The following ZNF816 variants were observed in gnomAD, a reference collection of about 807,000 sequenced individuals.
ZNF816 encodes the protein zinc finger protein 816A.
ZNF816 carries 11 observed loss-of-function variants against 8.3 expected under a neutral mutation model. That is an observed-to-expected ratio of 1.32 (90% CI 0.83 to 2.19). The LOEUF (loss-of-function observed/expected upper bound fraction) is 2.19, where lower values mean the gene tolerates loss of function less well. Among genes scored for constraint, ZNF816 ranks in the 30% most tolerant of loss-of-function variants. The pLI, the probability that ZNF816 is intolerant of heterozygous loss-of-function variation, is 0.00. For missense variants in ZNF816, 710 were observed against 779.3 expected (o/e 0.91, Z 1.06); for synonymous variants, 255 against 254.5 (o/e 1.00, Z -0.02).
intron 3 of ZNF816, 188 bp downstream of exon 3, chr19:52,952,563 T>A: frequency 4.4e-6 from 5 of 1,141,406 alleles, no homozygotes; most frequent in Non-Finnish European, 6.1e-6. Flanking sequence ...TGTTTTTATG[T>A]AAAACCACTC....
intron 1 of ZNF816, among the ~76,000 whole-genome samples, chr19:52,958,608 C>A (rs2083530091): frequency 6.6e-6 from 1 of 152,112 alleles, no homozygotes; most frequent in Non-Finnish European, 1.5e-5. Context: ...GGAAAGGATG[C>A]CCTACTCTGG....
At position 52,951,577 on chromosome 19, in the gene ZNF816, A is replaced by G; in HGVS notation, c.198T>C (p.Ser66=). The G allele has an allele frequency of 6.5e-7, 1 of 1,536,502 alleles. No homozygotes were observed. The highest frequency in any genetic ancestry group is 1.3e-5 in the South Asian group (1 of 76,782). The part of the protein sequence containing the change: ...NYRNLEFVDS[S]LKSMMEFSST... ...ATGAGAACTCCATCATGGATTTTAA[A>G]GAGCTATCTAAAAAATATAAAGACC... The change falls in exon 4 of 4, where the codon TCT becomes TCC. Residue 66 remains serine, a synonymous_variant. Coordinates refer to ENST00000444460, the MANE Select transcript of ZNF816 (RefSeq NM_001202457.3).
intron 1 of ZNF816, among the ~76,000 whole-genome samples, chr19:52,959,765 T>C (rs974964770): frequency 3.3e-5 from 5 of 152,088 alleles, no homozygotes; most frequent in African/African-American, 7.2e-5. Flanking sequence ...AGAAGCAGCA[T>C]AGAAACCCCA....
At chr19:52,955,278 G>C (rs966834392) in intron 2 of ZNF816, among the ~76,000 whole-genome samples, 1 of 152,152 alleles carries the variant, frequency 6.6e-6, no homozygotes, top group Non-Finnish European at 1.5e-5. Context: ...TATTTATATT[G>C]ATTTCATAAT....
At chr19:52,953,543 TACAA>T (rs1568438378) in intron 2 of ZNF816, among the ~76,000 whole-genome samples, 5 of 45,292 alleles carry the variant, frequency 1.1e-4, no homozygotes, top group Non-Finnish European at 1.8e-4. Context: ...TAATATATAA[TACAA>T]TATTATATAT....
At chr19:52,951,648 C>A in intron 3 of ZNF816, 64 bp from the exon 4 acceptor site, 1 of 1,403,488 alleles carries the variant, frequency 7.1e-7, no homozygotes. Context: ...AGTTGATATT[C>A]AGATGTGTAA....
intron 1 of ZNF816, among the ~76,000 whole-genome samples, chr19:52,958,185 C>G (rs1167020369): frequency 6.6e-6 from 1 of 152,326 alleles, no homozygotes; most frequent in Non-Finnish European, 1.5e-5. Context: ...CCCCTCCTGC[C>G]TGTTCCCACG....
In ZNF816 at chr19:52,949,894, G is replaced by C. The variant is rs142859590; in HGVS notation, c.1881C>G (p.Gly627=). Residue 627 remains glycine, a synonymous_variant, in exon 4 of 4, where the codon GGC becomes GGG. Coordinates refer to ENST00000444460, the MANE Select transcript of ZNF816 (RefSeq NM_001202457.3). ...GTGTTGACTGTCCAGTAAAGGCTTT[G>C]CCACACTCATTACACTTGTAAGGTT... The part of the protein sequence containing the change: ...AEKPYKCNEC[G]KAFTGQSTLI... 2.5e-6 allele frequency: 4 copies of C among 1,613,840 alleles called. No individual in the cohort carries two copies. The highest frequency in any genetic ancestry group is 1.1e-5 in the South Asian group (1 of 91,068).
Position 52,950,936 on chromosome 19 carries a change from G to C in ZNF816, c.839C>G (p.Thr280Ser), listed in dbSNP as rs1467930937. The C allele has an allele frequency of 1.2e-6, 2 of 1,614,170 alleles. No homozygotes were observed. Among genetic ancestry groups the C allele is most frequent in the South Asian group, 2.2e-5 (2 of 91,086 alleles). ...QYIVYHHRCH[T>S]GEKTYKCNEC... is the part of the protein sequence containing the mutation. ...ATTACACTTGTAAGTTTTCTCACCA[G>C]TGTGACATCTATGATGATATACAAT... Residue 280 changes from threonine to serine, a missense_variant, in exon 4 of 4, where the codon ACT becomes AGT. Thr to Ser is a moderately conservative substitution (Grantham distance 58, BLOSUM62 1). Coordinates refer to ENST00000444460, the MANE Select transcript of ZNF816 (RefSeq NM_001202457.3).
At chr19:52,955,967 C>T (rs2083506596) in intron 2 of ZNF816, 60 bp downstream of exon 2, 3 of 1,571,312 alleles carry the variant, frequency 1.9e-6, no homozygotes, top group African/African-American at 2.8e-5. Flanking sequence ...TTGGCTACTA[C>T]AATACCTGGC....
chr19:52,952,351 C>T (rs1286439916), intron 3 of ZNF816, among the ~76,000 whole-genome samples: 1 of 151,690 alleles, frequency 6.6e-6, no homozygotes, highest in Non-Finnish European at 1.5e-5. Flanking sequence ...GTCTGTTCAA[C>T]AGAGGGAGAC....
intron 2 of ZNF816, among the ~76,000 whole-genome samples, chr19:52,953,800 G>A (rs2083486661): frequency 1.4e-5 from 2 of 146,740 alleles, no homozygotes; most frequent in Non-Finnish European, 3.0e-5. Context: ...ATCACTTTGG[G>A]AGACCAAGGT....
intron 1 of ZNF816, among the ~76,000 whole-genome samples, chr19:52,961,528 T>A (rs1342229797): frequency 6.6e-6 from 1 of 152,224 alleles, no homozygotes. Context: ...CCTCCTGTGC[T>A]AGCAGTCACT....
rs557986120 is a variant in ZNF816 at position 52,950,281 on chromosome 19, A to T, written c.1494T>A (p.Arg498=). ...KVFSRRENLA[R]HHRLHAGEKP... The stretch of plus-strand genomic sequence containing the variant: ...TCTCTCCAGCATGAAGTCTATGATG[A>T]CGTGCAAGGTTTTCTCTTCGACTAA... The change falls in exon 4 of 4, where the codon CGT becomes CGA. Residue 498 remains arginine (R), a synonymous_variant. Transcript: ENST00000444460. The T allele has an allele frequency of 1.5e-5, 24 of 1,610,784 alleles. No homozygotes were observed. Among genetic ancestry groups the T allele is most frequent in the Non-Finnish European group, 2.0e-5 (24 of 1,179,148 alleles).
rs1360479576 is a variant in ZNF816 at position 52,950,905 on chromosome 19, A to G, written c.870T>C (p.Cys290=). 2 of 1,614,170 alleles carry G rather than the reference A, an allele frequency of 1.2e-6. No individual in the cohort carries two copies. The highest frequency in any genetic ancestry group is 3.3e-5 in the Admixed American group (2 of 60,028). The change falls in exon 4 of 4, where the codon TGT becomes TGC. Residue 290 remains cysteine, a synonymous_variant. Transcript: ENST00000444460. ...TGEKTYKCNE[C]GKTFTQMSSL... ...ATGACATCTGAGTGAAGGTCTTCCC[A>G]CACTCATTACACTTGTAAGTTTTCT... is the stretch of plus-strand genomic sequence containing the variant.
chr19:52,950,432 G>A lies in ZNF816; in HGVS notation c.1343C>T (p.Thr448Ile). ...ATTACACTTGTATGGTTTCTCTCCAGTATGAACTCTCTGATGTTCTGCAAG... is the reference window on the plus strand; with the variant it reads ...ATTACACTTGTATGGTTTCTCTCCAATATGAACTCTCTGATGTTCTGCAAG... ...SYLAEHQRVH[T>I]GEKPYKCNKC... Residue 448 changes from threonine (T) to isoleucine (I), a missense_variant, in exon 4 of 4, where the codon ACT (threonine) becomes ATT (isoleucine). Thr to Ile is a moderately conservative substitution (Grantham distance 89). Transcript: ENST00000444460. The A allele has an allele frequency of 6.2e-7, 1 of 1,613,520 alleles. No individual in the cohort carries two copies.
intron 1 of ZNF816, among the ~76,000 whole-genome samples, chr19:52,961,028 T>C (rs2083552187): frequency 6.6e-6 from 1 of 152,230 alleles, no homozygotes; most frequent in Non-Finnish European, 1.5e-5. Context: ...GTTCCCAGTG[T>C]ATTCATCAGG....
intron 3 of ZNF816, among the ~76,000 whole-genome samples, chr19:52,952,141 G>A (rs2083465595): frequency 6.6e-6 from 1 of 152,090 alleles, no homozygotes; most frequent in Non-Finnish European, 1.5e-5. Flanking sequence ...GGCTGAGGTG[G>A]GCAAATTGCT....
intron 1 of ZNF816, among the ~76,000 whole-genome samples, chr19:52,961,292 C>A (rs567298997): frequency 6.6e-5 from 10 of 152,162 alleles, no homozygotes; most frequent in Non-Finnish European, 1.2e-4. Flanking sequence ...AAAAAAGAAT[C>A]CCCAAACAAG....
Sources: gnomAD v4.1 joint callset for allele counts (sites outside exome capture counted in the v4.1 genomes callset) on GRCh38, gnomAD v4.1.1 for gene constraint, MANE v1.5 for transcripts, NCBI Gene and HGNC (gene_info 2026-07-23, HGNC 2026-07-21) for gene names.